Variants in NAV3 observed in about 807,000 individuals in gnomAD.
The protein encoded by NAV3 is neuron navigator 3.
NAV3 carries 87 observed loss-of-function variants against 244.7 expected under a neutral mutation model. That is an observed-to-expected ratio of 0.36 (90% confidence interval 0.30 to 0.42). NAV3 has a LOEUF of 0.42. NAV3 is among the 20% of genes least tolerant of loss of function. The probability of loss-of-function intolerance (pLI) is 1.00; values close to 1 mark genes in which losing one functional copy is unlikely to be tolerated. For missense variants in NAV3, 2,663 were observed against 2,893.3 expected (o/e 0.92, Z 1.83); for synonymous variants, 1,126 against 1,042.2 (o/e 1.08, Z -1.55).
At chr12:77,766,735 G>GTGTGTTTTTTTT (rs1869777346) in intron 2 of NAV3, among the ~76,000 whole-genome samples, 1 of 60,516 alleles carries the variant, frequency 1.7e-5, no homozygotes, top group Non-Finnish European at 3.0e-5. Flanking sequence ...AGGCAATTAA[G>GTGTGTTTTTTTT]TTTTTTTTTT....
At chr12:77,732,327 G>A (rs1169151683) in intron 2 of NAV3, among the ~76,000 whole-genome samples, 2 of 151,872 alleles carry the variant, frequency 1.3e-5, no homozygotes, top group Non-Finnish European at 2.9e-5. Flanking sequence ...ATTACTGAAC[G>A]TAGAAGAATT....
intron 1 of NAV3, among the ~76,000 whole-genome samples, chr12:77,938,069 C>T (rs1169801726): frequency 6.6e-6 from 1 of 152,152 alleles, no homozygotes; most frequent in Non-Finnish European, 1.5e-5. Flanking sequence ...CTCCAGAACT[C>T]ATTCTCCTCA....
chr12:77,959,653 G>A (rs1891695795), intron 3 of NAV3, among the ~76,000 whole-genome samples: 1 of 151,306 alleles, frequency 6.6e-6, no homozygotes, highest in African/African-American at 2.4e-5. Context: ...TGATTATTAT[G>A]GGCCCCACCA....
chr12:77,592,876 C>A (rs1869973906), intron 2 of NAV3, among the ~76,000 whole-genome samples: 1 of 152,110 alleles, frequency 6.6e-6, no homozygotes, highest in Non-Finnish European at 1.5e-5. Context: ...AAAGAAAAGG[C>A]TGACATTTAA....
intron 9 of NAV3, among the ~76,000 whole-genome samples, chr12:78,030,208 A>G (rs1878745322): frequency 6.6e-6 from 1 of 152,208 alleles, no homozygotes; most frequent in African/African-American, 2.4e-5. Flanking sequence ...GAATAACCCT[A>G]TAAAAGAATG....
chr12:77,736,844 G>C (rs113295728), intron 2 of NAV3, among the ~76,000 whole-genome samples: 12 of 152,326 alleles, frequency 7.9e-5, no homozygotes, highest in African/African-American at 2.6e-4. Flanking sequence ...CATGAATTTA[G>C]ATAAGTGAGT....
chr12:77,676,393 T>C (rs892690973), intron 2 of NAV3, among the ~76,000 whole-genome samples: 6 of 152,210 alleles, frequency 3.9e-5, no homozygotes, highest in African/African-American at 1.4e-4. Flanking sequence ...TCCAGGCAGA[T>C]GATGGACTGT....
At chr12:77,897,022 T>C (rs1389524478) in intron 1 of NAV3, among the ~76,000 whole-genome samples, 1 of 152,204 alleles carries the variant, frequency 6.6e-6, no homozygotes, top group African/African-American at 2.4e-5. Context: ...ACCTGAGAGC[T>C]TGTTAAAAAT....
chr12:77,636,873 A>C (rs571438377), intron 2 of NAV3, among the ~76,000 whole-genome samples: 1 of 152,272 alleles, frequency 6.6e-6, no homozygotes, highest in African/African-American at 2.4e-5. Context: ...CATCATTCTC[A>C]GCAAACTAAC....
intron 2 of NAV3, among the ~76,000 whole-genome samples, chr12:77,692,309 T>G (rs1024764883): frequency 1.3e-5 from 2 of 152,088 alleles, no homozygotes; most frequent in African/African-American, 4.8e-5. Flanking sequence ...ATACAAGAGT[T>G]TATTTTATAA....
At chr12:77,629,908 GCAAA>G (rs1221637820) in intron 2 of NAV3, among the ~76,000 whole-genome samples, 2 of 152,084 alleles carry the variant, frequency 1.3e-5, no homozygotes, top group African/African-American at 4.8e-5. Context: ...ATAGGGTACT[GCAAA>G]CAAATACTAC....
intron 22 of NAV3, among the ~76,000 whole-genome samples, chr12:78,157,636 G>C (rs916179979): frequency 4.5e-4 from 69 of 152,068 alleles, no homozygotes; most frequent in African/African-American, 1.6e-3. Flanking sequence ...TCAGTTACTA[G>C]GTCTGATATC....
chr12:77,668,770 A>C (rs1873833043), intron 2 of NAV3, among the ~76,000 whole-genome samples: 1 of 152,218 alleles, frequency 6.6e-6, no homozygotes, highest in Non-Finnish European at 1.5e-5. Context: ...CTAGAGATCT[A>C]GATGTCCAGT....
At chr12:77,791,140 G>A (rs986587093) in intron 2 of NAV3, among the ~76,000 whole-genome samples, 1 of 152,134 alleles carries the variant, frequency 6.6e-6, no homozygotes, top group African/African-American at 2.4e-5. Context: ...TGGATCACAA[G>A]GTCAGGAGTT....
At chr12:77,639,913 C>A (rs1164285309) in intron 2 of NAV3, among the ~76,000 whole-genome samples, 1 of 152,162 alleles carries the variant, frequency 6.6e-6, no homozygotes, top group Non-Finnish European at 1.5e-5. Flanking sequence ...CAAGGAGAAA[C>A]ATTCAGCCTG....
chr12:77,649,058 A>G (rs1208932446), intron 2 of NAV3, among the ~76,000 whole-genome samples: 2 of 152,156 alleles, frequency 1.3e-5, no homozygotes, highest in African/African-American at 2.4e-5. Context: ...TTTCCTAAAT[A>G]AAATGTTATA....
At chr12:77,982,922 G>C (rs1279998346) in intron 5 of NAV3, among the ~76,000 whole-genome samples, 1 of 152,180 alleles carries the variant, frequency 6.6e-6, no homozygotes, top group Non-Finnish European at 1.5e-5. Flanking sequence ...TCACATGGTA[G>C]CTCTAGTGGT....
chr12:77,825,762 A>C (rs2136045551), intron 2 of NAV3, among the ~76,000 whole-genome samples: 1 of 152,244 alleles, frequency 6.6e-6, no homozygotes, highest in South Asian at 2.1e-4. Flanking sequence ...GCTGAAGACT[A>C]GGACAAAATC....
At chr12:77,658,385 G>A (rs1469317582) in intron 2 of NAV3, among the ~76,000 whole-genome samples, 3 of 150,328 alleles carry the variant, frequency 2.0e-5, no homozygotes, top group Non-Finnish European at 4.4e-5. Flanking sequence ...AAAATACCTA[G>A]GAATCCACCT....
Sources: allele counts gnomAD v4.1 joint callset (sites outside exome capture counted in the v4.1 genomes callset), GRCh38; gene constraint gnomAD v4.1.1; transcripts MANE v1.5; gene names NCBI Gene and HGNC (gene_info 2026-07-23, HGNC 2026-07-21).